The following ELK3 variants were observed in gnomAD, a reference collection of about 807,000 sequenced individuals.
ELK3 encodes the protein ETS transcription factor ELK3, also known as ETS domain-containing protein Elk-3.
A neutral mutation model predicts 28.9 loss-of-function variants in ELK3; 10 were observed. The ratio of observed to expected loss-of-function variants is 0.35; its 90% confidence interval spans 0.21 to 0.59. The LOEUF (loss-of-function observed/expected upper bound fraction) is 0.59, where lower values mean the gene tolerates loss of function less well. Ranked by LOEUF, ELK3 falls within the 20% of genes least tolerant of loss-of-function variation. The pLI, the probability that ELK3 is intolerant of heterozygous loss-of-function variation, is 0.82. For synonymous variants in ELK3, 272 were observed against 243.5 expected (o/e 1.12, Z -1.09); for missense variants, 463 against 517.3 (o/e 0.90, Z 1.02).
At chr12:96,235,078 G>A (rs1441816883) in intron 2 of ELK3, among the ~76,000 whole-genome samples, 1 of 152,086 alleles carries the variant, frequency 6.6e-6, no homozygotes, top group Non-Finnish European at 1.5e-5. Context: ...CGCTTCCTAT[G>A]GAAAGTACTG....
At chr12:96,243,797 C>T (rs1255171274) in intron 2 of ELK3, among the ~76,000 whole-genome samples, 1 of 149,370 alleles carries the variant, frequency 6.7e-6, no homozygotes, top group Non-Finnish European at 1.5e-5. Context: ...GAGCCGAGAT[C>T]ACACCACTGC....
chr12:96,207,085 T>C (rs747953642), intron 1 of ELK3, among the ~76,000 whole-genome samples: 1 of 152,254 alleles, frequency 6.6e-6, no homozygotes, highest in Non-Finnish European at 1.5e-5. Flanking sequence ...AACACCAAGC[T>C]GTTTTAAAAT....
chr12:96,202,244 C>T (rs1044852242), intron 1 of ELK3, among the ~76,000 whole-genome samples: 1 of 152,194 alleles, frequency 6.6e-6, no homozygotes, highest in African/African-American at 2.4e-5. Flanking sequence ...AAACCCCTAA[C>T]TCAAGCTGCA....
chr12:96,212,571 T>G (rs1951585161), intron 1 of ELK3, among the ~76,000 whole-genome samples: 1 of 152,154 alleles, frequency 6.6e-6, no homozygotes, highest in Admixed American at 6.6e-5. Flanking sequence ...CCTGGGGATG[T>G]TGTTATAGGG....
At chr12:96,244,725 CA>C (rs751320228) in intron 2 of ELK3, among the ~76,000 whole-genome samples, 35 of 152,158 alleles carry the variant, frequency 2.3e-4, no homozygotes, top group Non-Finnish European at 3.8e-4. Flanking sequence ...GAAGCATTAA[CA>C]CACCAGGCCA....
At chr12:96,258,336 A>C (rs1951967522) in intron 3 of ELK3, among the ~76,000 whole-genome samples, 2 of 152,266 alleles carry the variant, frequency 1.3e-5, no homozygotes, top group South Asian at 4.1e-4. Flanking sequence ...CATGGAACCA[A>C]CGACTCAAAT....
chr12:96,229,131 G>C (rs535954441), intron 2 of ELK3, among the ~76,000 whole-genome samples: 145 of 152,260 alleles, frequency 9.5e-4, no homozygotes, highest in African/African-American at 3.4e-3. Flanking sequence ...GTGAACAAAT[G>C]GATAAAACAC....
At chr12:96,194,849 C>G (rs1379388835) in intron 1 of ELK3, 144 bp downstream of exon 1, 2 of 74,794 alleles carry the variant, frequency 2.7e-5, no homozygotes, top group African/African-American at 1.0e-4. Flanking sequence ...GTGGGGGTGG[C>G]GGTGCGTCCG....
chr12:96,266,953 G>T, intron 4 of ELK3, 129 bp from the exon 5 acceptor site: 1 of 597,898 alleles, frequency 1.7e-6, no homozygotes. Context: ...AAAATACATT[G>T]GCAACTAATC....
At position 96,267,079 on chromosome 12, in the gene ELK3, C is replaced by T. The variant is rs1462874461; in HGVS notation, c.1126-3C>T. The stretch of plus-strand genomic sequence containing the variant: ...TATTGTAAAAATCTTTTGTCCCCTA[C>T]AGTTCCCCACACTGCTTAATGGCCA... On this transcript the variant is annotated splice_region_variant and splice_polypyrimidine_tract_variant and intron_variant, in intron 4 of 4. Coordinates refer to ENST00000228741, the MANE Select transcript of ELK3 (RefSeq NM_005230.4). The T allele has an allele frequency of 6.2e-7, 1 of 1,609,360 alleles. No individual in the cohort carries two copies. Among genetic ancestry groups the T allele is most frequent in the South Asian group, 1.1e-5 (1 of 90,140 alleles).
chr12:96,262,419 G>C (rs139328831), intron 4 of ELK3, among the ~76,000 whole-genome samples: 55 of 152,270 alleles, frequency 3.6e-4, no homozygotes, highest in Middle Eastern at 6.8e-3. Flanking sequence ...TTAGAATTCT[G>C]CATCAGAAAT....
chr12:96,228,121 TA>T (rs1268127399), intron 2 of ELK3, among the ~76,000 whole-genome samples: 1 of 151,002 alleles, frequency 6.6e-6, no homozygotes, highest in Non-Finnish European at 1.5e-5. Flanking sequence ...CACAATTTAT[TA>T]AAAAAAAGAA....
intron 1 of ELK3, among the ~76,000 whole-genome samples, chr12:96,215,477 T>C (rs1202893500): frequency 6.6e-6 from 1 of 152,134 alleles, no homozygotes; most frequent in Non-Finnish European, 1.5e-5. Context: ...TCATGTGACC[T>C]GACAGCTCTC....
At chr12:96,234,655 G>C (rs1268285075) in intron 2 of ELK3, among the ~76,000 whole-genome samples, 1 of 152,208 alleles carries the variant, frequency 6.6e-6, no homozygotes, top group Non-Finnish European at 1.5e-5. Context: ...CACTGTGCTA[G>C]GTATTTTTAC....
At chr12:96,204,525 G>A (rs922307065) in intron 1 of ELK3, among the ~76,000 whole-genome samples, 2 of 152,266 alleles carry the variant, frequency 1.3e-5, no homozygotes, top group African/African-American at 4.8e-5. Context: ...TTGACTAAGC[G>A]GAATGTATGA....
rs768600542 is a variant in ELK3, at chr12:96,247,423, G to C, written c.691G>C (p.Ala231Pro). ...CTCCTCTTTAATGTTGCCAAACGCTGCCAGTATTTCATCCGCCTCACCCTT... is the reference window on the plus strand; with the variant it reads ...CTCCTCTTTAATGTTGCCAAACGCTCCCAGTATTTCATCCGCCTCACCCTT... ...KISSLMLPNA[A>P]SISSASPFSS... Residue 231 changes from alanine (A) to proline (P), a missense_variant, in exon 3 of 5, where the codon GCC becomes CCC. Physicochemically the swap from Ala to Pro is conservative, Grantham distance 27 (BLOSUM62 -1). Transcript: ENST00000228741. The surrounding 1 kb of genome is among the most constrained non-coding windows in gnomAD (Gnocchi z 5.5). 1.1e-5 allele frequency: 18 copies of C among 1,613,968 alleles called. No individual in the cohort carries two copies. The East Asian group carries it at 4.0e-4, about 36-fold the overall frequency.
intron 2 of ELK3, among the ~76,000 whole-genome samples, chr12:96,231,860 G>T (rs1951744317): frequency 6.6e-6 from 1 of 152,086 alleles, no homozygotes; most frequent in Non-Finnish European, 1.5e-5. Context: ...CAGCCATCCA[G>T]CCATCCCTTT....
At chr12:96,221,371 C>G (rs551696053) in intron 1 of ELK3, among the ~76,000 whole-genome samples, 1 of 152,168 alleles carries the variant, frequency 6.6e-6, no homozygotes, top group Non-Finnish European at 1.5e-5. Context: ...CCATTCGGAA[C>G]GTGATGTCAG....
rs1170218571 is a variant in ELK3 at position 96,213,053 on chromosome 12, A to T, written c.-2-10512A>T. On this transcript the variant is annotated intron_variant, in intron 1 of 4. Coordinates refer to ENST00000228741, the MANE Select transcript of ELK3 (RefSeq NM_005230.4). ...TGTGTTGGAAGTGCTGGGTAATGCAAGTGAAATGATGGCTAAAAATAAATA... is the reference window on the plus strand; with the variant it reads ...TGTGTTGGAAGTGCTGGGTAATGCATGTGAAATGATGGCTAAAAATAAATA... Among the ~76,000 whole-genome samples the T allele has an allele frequency of 2.0e-5, 3 of 152,182 alleles. No individual in the cohort carries two copies. In the South Asian group the frequency reaches 6.2e-4, roughly 31 times the overall value.
Sources: allele counts gnomAD v4.1 joint callset (sites outside exome capture counted in the v4.1 genomes callset), GRCh38; gene constraint gnomAD v4.1.1; non-coding constraint Gnocchi (gnomAD v3.1); transcripts MANE v1.5; gene names NCBI Gene and HGNC (gene_info 2026-07-23, HGNC 2026-07-21).